MAML2: variants seen among roughly 807,000 people sequenced by gnomAD.
MAML2 encodes mastermind-like protein 2.
Under a neutral mutation model 96.1 loss-of-function variants are expected in MAML2, and 22 were observed. The ratio of observed to expected loss-of-function variants is 0.23; its 90% CI spans 0.16 to 0.33. The LOEUF is 0.33. Among genes scored for constraint, MAML2 ranks in the 10% least tolerant of loss-of-function variants. MAML2 has a pLI of 1.00. For synonymous variants in MAML2, 561 were observed against 521.3 expected, an observed-to-expected ratio of 1.08 and a Z score of -1.04; for missense variants, 1,367 against 1,392.4, an observed-to-expected ratio of 0.98 and a Z score of 0.29.
At chr11:96,042,374 G>A (rs543345806) in intron 2 of MAML2, among the ~76,000 whole-genome samples, 28 of 152,122 alleles carry the variant, frequency 1.8e-4, no homozygotes, top group African/African-American at 5.3e-4. Context: ...CACCTGCCTC[G>A]GCCTCCCAAA....
chr11:96,278,329 C>T (rs1266391633), intron 1 of MAML2, among the ~76,000 whole-genome samples: 1 of 152,102 alleles, frequency 6.6e-6, no homozygotes, highest in Non-Finnish European at 1.5e-5. Flanking sequence ...ATGCATGCCT[C>T]GTGCTCTGGA....
At chr11:96,212,403 A>G (rs1861986440) in intron 1 of MAML2, among the ~76,000 whole-genome samples, 1 of 152,050 alleles carries the variant, frequency 6.6e-6, no homozygotes, top group Non-Finnish European at 1.5e-5. Context: ...TTAAGGGTTT[A>G]CCCAGGAAGA....
At chr11:96,057,919 C>G (rs1054049008) in intron 2 of MAML2, among the ~76,000 whole-genome samples, 5 of 152,220 alleles carry the variant, frequency 3.3e-5, no homozygotes, top group African/African-American at 1.2e-4. Context: ...CCGGGTTTCT[C>G]TTTTAATATC....
rs1555005491 is a variant in MAML2 at position 96,077,219 on chromosome 11, C to CTCTTTTTT, written c.2139+14672_2139+14673insAAAAAAGA. ...GACTTTTTACCCCAACTCTCTCTCT[C>CTCTTTTTT]TTTTTTTTTTTTTTTTTTTTAAAGA... On this transcript the variant is annotated intron_variant, in intron 2 of 4. Coordinates refer to ENST00000524717, the MANE Select transcript of MAML2 (RefSeq NM_032427.4). Among the ~76,000 whole-genome samples, 756 of 94,140 alleles carry CTCTTTTTT rather than the reference C, an allele frequency of 8.0e-3. 11 individuals are homozygous for CTCTTTTTT. The highest frequency in any genetic ancestry group is 0.021 in the South Asian group (54 of 2,520). The allele number at this position is 94,140 out of a possible 152,430, so 61.8% of individuals were successfully genotyped here. A position where few individuals can be genotyped will look rare whatever the true frequency, so the allele number is the denominator to read the frequency against.
chr11:96,121,175 C>T (rs1378119975), intron 1 of MAML2, among the ~76,000 whole-genome samples: 2 of 152,136 alleles, frequency 1.3e-5, no homozygotes, highest in Admixed American at 1.3e-4. Context: ...TACTCCGCAC[C>T]AGCCTTGAAG....
chr11:96,198,725 G>A (rs1178209786), intron 1 of MAML2, among the ~76,000 whole-genome samples: 1 of 152,028 alleles, frequency 6.6e-6, no homozygotes, highest in Non-Finnish European at 1.5e-5. Flanking sequence ...TCCGGAAGGA[G>A]GAACAATATC....
At chr11:96,305,161 T>C (rs1565278861) in intron 1 of MAML2, among the ~76,000 whole-genome samples, 2 of 152,200 alleles carry the variant, frequency 1.3e-5, no homozygotes, top group Admixed American at 6.5e-5. Flanking sequence ...TAAAATAATA[T>C]GGAAACAGTA....
intron 2 of MAML2, among the ~76,000 whole-genome samples, chr11:96,012,191 C>A (rs1212681774): frequency 6.6e-6 from 1 of 152,198 alleles, no homozygotes; most frequent in Admixed American, 6.5e-5. Flanking sequence ...CTAGCAGGCA[C>A]TGTGAGAGCA....
At chr11:96,006,888 C>T (rs977760575) in intron 2 of MAML2, among the ~76,000 whole-genome samples, 1 of 150,258 alleles carries the variant, frequency 6.7e-6, no homozygotes, top group South Asian at 2.3e-4. Context: ...CACACACACA[C>T]ACACACACAC....
Position 95,977,110 on chromosome 11 carries a change from G to A in MAML2, c.*1838C>T, listed in dbSNP as rs1263665803. On this transcript the variant is annotated 3_prime_UTR_variant, in exon 5 of 5. Coordinates refer to ENST00000524717, the MANE Select transcript of MAML2 (RefSeq NM_032427.4). ...AAAAGTTCCCACTCAACCACCTATG[G>A]TTTAAGTGTAGAGCTAAAAATAAAC... is the stretch of plus-strand genomic sequence containing the variant. 1 of 196,882 alleles carries A rather than the reference G, an allele frequency of 5.1e-6. No individual in the cohort carries two copies. The allele number at this position is 196,882 out of a possible 1,614,324, so 12.2% of individuals were successfully genotyped here.
At chr11:96,267,666 G>C (rs1477757689) in intron 1 of MAML2, among the ~76,000 whole-genome samples, 2 of 152,186 alleles carry the variant, frequency 1.3e-5, no homozygotes, top group African/African-American at 2.4e-5. Flanking sequence ...CAGGGAGCAA[G>C]AGAAGGAAAG....
intron 2 of MAML2, among the ~76,000 whole-genome samples, chr11:96,075,132 C>T (rs1181635848): frequency 6.6e-6 from 1 of 152,206 alleles, no homozygotes; most frequent in Non-Finnish European, 1.5e-5. Context: ...AAAGCTAATA[C>T]ATAGATTCCC....
intron 2 of MAML2, among the ~76,000 whole-genome samples, chr11:96,032,983 C>T (rs145773743): frequency 2.6e-5 from 4 of 152,276 alleles, no homozygotes; most frequent in Non-Finnish European, 5.9e-5. Context: ...TTTGTCAAAA[C>T]TTGGGGCACT....
intron 2 of MAML2, among the ~76,000 whole-genome samples, chr11:96,089,519 T>G (rs990188932): frequency 6.6e-6 from 1 of 152,210 alleles, no homozygotes; most frequent in Non-Finnish European, 1.5e-5. Context: ...TTGGTAATAA[T>G]CTACCAAATG....
intron 1 of MAML2, 41 bp from the exon 2 acceptor site, chr11:96,093,558 TG>T (rs1483314073): frequency 1.6e-6 from 2 of 1,281,370 alleles, no homozygotes; most frequent in Non-Finnish European, 2.2e-6. Context: ...ATAAGAAATA[TG>T]AATCCAATGA....
intron 1 of MAML2, among the ~76,000 whole-genome samples, chr11:96,247,068 G>C (rs2135964428): frequency 6.6e-6 from 1 of 152,140 alleles, no homozygotes; most frequent in East Asian, 1.9e-4. Context: ...GCTGGAAACT[G>C]TCTGATTCAT....
intron 1 of MAML2, among the ~76,000 whole-genome samples, chr11:96,170,513 A>T (rs1861270972): frequency 6.6e-6 from 1 of 152,202 alleles, no homozygotes; most frequent in Non-Finnish European, 1.5e-5. Context: ...TAGCTCAAAG[A>T]ACCTCGATTA....
rs749883616 is a variant in MAML2 at position 95,979,216 on chromosome 11, C to G, written c.3203G>C (p.Gly1068Ala). Residue 1068 changes from glycine to alanine, a missense_variant, in exon 5 of 5, where the codon GGG becomes GCG. Physicochemically the swap from Gly to Ala is moderately conservative, Grantham distance 60. Coordinates refer to ENST00000524717, the MANE Select transcript of MAML2 (RefSeq NM_032427.4). ...GATGCCCGTCCTCGACTGATTCAAC[C>G]CTGTTCCTGACTGATTCAAATTAGG... ...ILPNLNQSGT[G>A]LNQSRTGINQ... 1 of 1,613,972 alleles carries G rather than the reference C, an allele frequency of 6.2e-7. No individual in the cohort carries two copies. Among genetic ancestry groups the G allele is most frequent in the South Asian group, 1.1e-5 (1 of 91,086 alleles).
intron 1 of MAML2, among the ~76,000 whole-genome samples, chr11:96,171,976 C>T (rs1455643249): frequency 6.6e-6 from 1 of 152,220 alleles, no homozygotes; most frequent in Non-Finnish European, 1.5e-5. Context: ...AGAGACCATG[C>T]CTTCCATGTC....
Sources: gnomAD v4.1 joint callset for allele counts (sites outside exome capture counted in the v4.1 genomes callset) on GRCh38, gnomAD v4.1.1 for gene constraint, MANE v1.5 for transcripts, NCBI Gene and HGNC (gene_info 2026-07-23, HGNC 2026-07-21) for gene names.